Variants in TXLNB observed in about 807,000 individuals in gnomAD.
The protein encoded by TXLNB is beta-taxilin.
TXLNB carries 37 observed loss-of-function variants against 57.4 expected under a neutral mutation model. The ratio of observed to expected loss-of-function variants is 0.64; its 90% CI spans 0.50 to 0.85. TXLNB has a LOEUF of 0.85. TXLNB is among the 40% of genes least tolerant of loss of function. The pLI, the probability that TXLNB is intolerant of heterozygous loss-of-function variation, is 0.00. For missense variants in TXLNB, 848 were observed against 825.6 expected, an observed-to-expected ratio of 1.03 and a Z score of -0.33; for synonymous variants, 302 against 309.6, an observed-to-expected ratio of 0.98 and a Z score of 0.26.
the TXLNB span, among the ~76,000 whole-genome samples, chr6:139,304,300 A>C: frequency 6.6e-6 from 1 of 152,246 alleles, no homozygotes; most frequent in African/African-American, 2.4e-5. Context: ...CAAGGTGAGA[A>C]TATCAGTAGA....
chr6:139,300,599 T>G, the TXLNB span, among the ~76,000 whole-genome samples: 1 of 152,182 alleles, frequency 6.6e-6, no homozygotes, highest in Non-Finnish European at 1.5e-5. Flanking sequence ...GACTCCTTTG[T>G]CCTTAGAAGA....
chr6:139,254,945 G>T (rs1776297524), intron 7 of TXLNB, among the ~76,000 whole-genome samples: 1 of 151,958 alleles, frequency 6.6e-6, no homozygotes, highest in Admixed American at 6.6e-5. Flanking sequence ...CAGCCTCCTG[G>T]GTAGCTGGGA....
chr6:139,306,227 CAGAGA>C, the TXLNB span, among the ~76,000 whole-genome samples: 1 of 152,164 alleles, frequency 6.6e-6, no homozygotes, highest in Non-Finnish European at 1.5e-5. Context: ...CCACAAAGAT[CAGAGA>C]AAAGTCTGTC....
At chr6:139,208,737 G>A in the TXLNB span, among the ~76,000 whole-genome samples, 1 of 152,172 alleles carries the variant, frequency 6.6e-6, no homozygotes, top group African/African-American at 2.4e-5. Context: ...ACAAAATCTG[G>A]CATCCCTTTT....
In TXLNB at chr6:139,288,831, T is replaced by C. The variant is rs762708909; in HGVS notation, c.69A>G (p.Ser23=). The change falls in exon 2 of 10, where the codon TCA becomes TCG. Residue 23 remains serine, a synonymous_variant. Transcript: ENST00000358430. ...RQSTPPGDSS[S]LPSHNGLEKE... ...TCTCCAGGCCATTGTGACTGGGTAA[T>C]GATGAACTGTCACCTGGAGGTGTTG... is the stretch of plus-strand genomic sequence containing the variant. 2 of 1,614,198 alleles carry C rather than the reference T, an allele frequency of 1.2e-6. No individual in the cohort carries two copies. Among genetic ancestry groups the C allele is most frequent in the East Asian group, 2.2e-5 (1 of 44,890 alleles).
chr6:139,188,393 T>C, the TXLNB span, among the ~76,000 whole-genome samples: 15 of 152,302 alleles, frequency 9.8e-5, no homozygotes, highest in Non-Finnish European at 1.5e-4. Context: ...TGGGTCAGCT[T>C]CAAACTGAGA....
chr6:139,178,750 A>AT, the TXLNB span: 4 of 151,846 alleles, frequency 2.6e-5, no homozygotes, highest in Admixed American at 2.6e-4. Context: ...AATTTTTTGT[A>AT]TTTTTAGTAG....
At chr6:139,174,719 G>A in the TXLNB span, 1 of 802,998 alleles carries the variant, frequency 1.2e-6, no homozygotes, top group Non-Finnish European at 1.8e-6. Context: ...GAATACTGTA[G>A]AATAATATAT....
chr6:139,218,117 G>T, the TXLNB span, among the ~76,000 whole-genome samples: 1 of 152,094 alleles, frequency 6.6e-6, no homozygotes, highest in Non-Finnish European at 1.5e-5. Flanking sequence ...CCCCTTTAGG[G>T]TGTTCAGCTT....
the TXLNB span, among the ~76,000 whole-genome samples, chr6:139,323,622 A>T: frequency 3.3e-5 from 5 of 152,274 alleles, no homozygotes; most frequent in East Asian, 9.6e-4. Context: ...TAATAAAGAA[A>T]CATGTGGACC....
chr6:139,165,501 A>G, the TXLNB span, among the ~76,000 whole-genome samples: 2 of 151,948 alleles, frequency 1.3e-5, no homozygotes, highest in Admixed American at 6.5e-5. Flanking sequence ...TGTATCTGCC[A>G]TTATAGTATC....
At chr6:139,187,425 C>A in the TXLNB span, among the ~76,000 whole-genome samples, 3 of 95,186 alleles carry the variant, frequency 3.2e-5, no homozygotes, top group Non-Finnish European at 7.3e-5. Context: ...TTTTTAAAAT[C>A]TTTTGCTTTT....
the TXLNB span, among the ~76,000 whole-genome samples, chr6:139,164,067 AAC>A: frequency 8.5e-6 from 1 of 118,134 alleles, no homozygotes; most frequent in African/African-American, 3.8e-5. Flanking sequence ...CACACACACA[AAC>A]ACACACACAC....
chr6:139,288,632 C>G lies in TXLNB; in HGVS notation c.268G>C (p.Glu90Gln). The change falls in exon 2 of 10, where the codon GAG becomes CAG. Residue 90 changes from glutamate (E) to glutamine (Q), a missense_variant. Glu to Gln is a conservative substitution (Grantham distance 29). Coordinates refer to ENST00000358430, the MANE Select transcript of TXLNB (RefSeq NM_153235.4). ...TCGTTGTCAGGTGATTCTGCATTCT[C>G]AGGCTGCTCACTGGCCCTGGCAGAG... Reference protein sequence around the residue: ...EGSARASEQPENAESPDNEDG... With the variant: ...EGSARASEQPQNAESPDNEDG... The G allele has an allele frequency of 6.2e-7, 1 of 1,614,210 alleles. No homozygotes were observed. The highest frequency in any genetic ancestry group is 8.5e-7 in the Non-Finnish European group (1 of 1,180,042).
downstream of TXLNB, among the ~76,000 whole-genome samples, chr6:139,239,884 ACC>A (rs902022279): frequency 2.0e-5 from 3 of 150,128 alleles, no homozygotes; most frequent in Admixed American, 6.6e-5. The surrounding 1 kb of genome is among the most constrained non-coding windows in gnomAD (Gnocchi z 4.7). Context: ...ACACACACAC[ACC>A]CCCGCCCCCA....
At chr6:139,232,688 CACTA>C in the TXLNB span, among the ~76,000 whole-genome samples, 2 of 152,144 alleles carry the variant, frequency 1.3e-5, no homozygotes, top group Non-Finnish European at 2.9e-5. Context: ...GCAACAAAAC[CACTA>C]ACTGTCTCAT....
At chr6:139,249,890 A>G (rs1776153846) in intron 7 of TXLNB, among the ~76,000 whole-genome samples, 1 of 152,202 alleles carries the variant, frequency 6.6e-6, no homozygotes, top group Non-Finnish European at 1.5e-5. Context: ...AAGAAGACAG[A>G]GTAAAGGGGC....
At chr6:139,216,788 T>A in the TXLNB span, among the ~76,000 whole-genome samples, 1 of 152,170 alleles carries the variant, frequency 6.6e-6, no homozygotes, top group Admixed American at 6.5e-5. Flanking sequence ...CATCATATGT[T>A]CTCATTTATA....
At chr6:139,205,732 G>T in the TXLNB span, among the ~76,000 whole-genome samples, 12 of 152,238 alleles carry the variant, frequency 7.9e-5, no homozygotes, top group African/African-American at 2.6e-4. Context: ...AGGAAGAAGA[G>T]AAACCTATAA....
Sources: gnomAD v4.1 joint callset for allele counts (sites outside exome capture counted in the v4.1 genomes callset) on GRCh38, gnomAD v4.1.1 for gene constraint, Gnocchi (gnomAD v3.1) non-coding constraint, MANE v1.5 for transcripts, NCBI Gene and HGNC (gene_info 2026-07-23, HGNC 2026-07-21) for gene names.